Variants in ZDHHC7 observed in about 807,000 individuals in gnomAD.
ZDHHC7 encodes zDHHC palmitoyltransferase 7.
A neutral mutation model predicts 34.1 loss-of-function variants in ZDHHC7; 12 were observed. The ratio of observed to expected loss-of-function variants is 0.35; its 90% CI spans 0.23 to 0.57. ZDHHC7 has a LOEUF of 0.57. Ranked by LOEUF, ZDHHC7 falls within the 20% of genes least tolerant of loss-of-function variation. The pLI is 0.84. For synonymous variants in ZDHHC7, 185 were observed against 155.4 expected (o/e 1.19, Z -1.42); for missense variants, 388 against 402.7 (o/e 0.96, Z 0.31).
At chr16:84,980,016 G>A (rs1343283051) in intron 4 of ZDHHC7, among the ~76,000 whole-genome samples, 3 of 137,550 alleles carry the variant, frequency 2.2e-5, no homozygotes, top group African/African-American at 2.8e-5. Context: ...GTGCAGTGGC[G>A]CAATCTCAAT....
rs1041728563 is a variant in ZDHHC7, at chr16:84,975,988, T to C, written c.*355A>G. ...AAATGACTGCTTGGAGAATCCCTGT[T>C]CACTGGATTCACTGTTTTTCTTCAT... On this transcript the variant is annotated 3_prime_UTR_variant, in exon 8 of 8. Coordinates refer to ENST00000313732, the MANE Select transcript of ZDHHC7 (RefSeq NM_017740.3). 3 of 249,042 alleles carry C rather than the reference T, an allele frequency of 1.2e-5. No homozygotes were observed. The highest frequency in any genetic ancestry group is 1.1e-4 in the Admixed American group (2 of 18,958). 15.4% of individuals were successfully genotyped at this position (249,042 alleles called of 1,614,324 possible). A position where few individuals can be genotyped will look rare whatever the true frequency, so the allele number is the denominator to read the frequency against.
chr16:84,979,381 T>C, intron 4 of ZDHHC7, 96 bp from the exon 5 acceptor site: 1 of 1,471,140 alleles, frequency 6.8e-7, no homozygotes, highest in South Asian at 1.3e-5. Flanking sequence ...AATTAGAATG[T>C]ATATTCTAAT....
intron 1 of ZDHHC7, among the ~76,000 whole-genome samples, chr16:85,009,792 T>C (rs2143764490): frequency 6.8e-6 from 1 of 146,530 alleles, no homozygotes; most frequent in South Asian, 2.2e-4. Flanking sequence ...CACTGCAAGC[T>C]CCGCCTCCCG....
chr16:84,997,937 G>A (rs1481651427), intron 1 of ZDHHC7, among the ~76,000 whole-genome samples: 2 of 147,978 alleles, frequency 1.4e-5, no homozygotes, highest in African/African-American at 2.5e-5. Context: ...TCCCAGAGAG[G>A]AGAACTAGAA....
intron 1 of ZDHHC7, among the ~76,000 whole-genome samples, chr16:85,003,572 T>C (rs568433676): frequency 6.6e-6 from 1 of 152,030 alleles, no homozygotes; most frequent in African/African-American, 2.4e-5. Flanking sequence ...CTCAAATTAC[T>C]GAATCCAAAG....
At chr16:85,016,812 T>C in the ZDHHC7 span, among the ~76,000 whole-genome samples, 1 of 152,054 alleles carries the variant, frequency 6.6e-6, no homozygotes, top group Non-Finnish European at 1.5e-5. Flanking sequence ...ATTCCATTCT[T>C]ATCAAGGATC....
At chr16:84,987,185 C>G (rs552410028) in intron 3 of ZDHHC7, among the ~76,000 whole-genome samples, 1 of 152,358 alleles carries the variant, frequency 6.6e-6, no homozygotes, top group South Asian at 2.1e-4. Context: ...CGTACTCCCC[C>G]TTCCTCAGTT....
At chr16:84,994,855 T>C (rs1425243118) in intron 2 of ZDHHC7, among the ~76,000 whole-genome samples, 3 of 152,104 alleles carry the variant, frequency 2.0e-5, no homozygotes, top group Admixed American at 6.6e-5. Flanking sequence ...AACAAACGAA[T>C]ATAGCAAAGT....
Position 84,974,423 on chromosome 16 carries a change from C to T in ZDHHC7, c.*1920G>A, listed in dbSNP as rs1331383400. The stretch of plus-strand genomic sequence containing the variant: ...AGCACGGAAAGGCACCCCCTGAAAA[C>T]ACCACCATCCAGGAAGAACGGGCGC... On this transcript the variant is annotated 3_prime_UTR_variant, in exon 8 of 8. Transcript: ENST00000313732. 2 of 152,184 alleles carry T rather than the reference C, an allele frequency of 1.3e-5. No homozygotes were observed. The highest frequency in any genetic ancestry group is 1.5e-5 in the Non-Finnish European group (1 of 68,036). The allele number at this position is 152,184 out of a possible 1,614,324, so 9.4% of individuals were successfully genotyped here.
At chr16:85,019,930 G>T in the ZDHHC7 span, among the ~76,000 whole-genome samples, 40 of 152,042 alleles carry the variant, frequency 2.6e-4, no homozygotes, top group Non-Finnish European at 4.7e-4. Flanking sequence ...ATACCCCCTC[G>T]TAGACTCACT....
At chr16:85,013,903 G>C (rs1256153163), upstream of ZDHHC7, among the ~76,000 whole-genome samples, 1 of 151,902 alleles carries the variant, frequency 6.6e-6, no homozygotes, top group East Asian at 1.9e-4. Context: ...GGCCAGGCTG[G>C]TCTGCAACTC....
chr16:84,977,877 A>T, intron 6 of ZDHHC7, 47 bp downstream of exon 6: 4 of 1,486,416 alleles, frequency 2.7e-6, no homozygotes, highest in Non-Finnish European at 3.7e-6. Flanking sequence ...CCTTTCATCC[A>T]ATAACAGCAT....
chr16:84,992,655 T>G (rs11149705), intron 2 of ZDHHC7, among the ~76,000 whole-genome samples: 13,216 of 152,162 alleles, frequency 0.087, 762 homozygotes, highest in African/African-American at 0.16. Flanking sequence ...TGACAAATAT[T>G]TTAACGAACT....
chr16:85,014,296 G>A (rs1050592231), upstream of ZDHHC7, among the ~76,000 whole-genome samples: 45 of 152,274 alleles, frequency 3.0e-4, no homozygotes, highest in African/African-American at 1.0e-3. Flanking sequence ...TTTGGGGATC[G>A]TTTATAGAGA....
Position 84,999,995 on chromosome 16 carries a change from A to C in ZDHHC7, c.-103-3988T>G, listed in dbSNP as rs573688813. On this transcript the variant is annotated intron_variant, in intron 1 of 7. Coordinates refer to ENST00000313732, the MANE Select transcript of ZDHHC7 (RefSeq NM_017740.3). ...CCTGTCTCTACAAAAAAAATTTTTT[A>C]AAAATTGGCTGGGCAGGGCCTGTAC... Among the ~76,000 whole-genome samples the C allele has an allele frequency of 3.3e-5, 5 of 151,968 alleles. No individual in the cohort carries two copies. The South Asian group carries it at 1.0e-3, about 32-fold the overall frequency.
At chr16:85,000,430 C>G (rs998336213) in intron 1 of ZDHHC7, among the ~76,000 whole-genome samples, 1 of 152,150 alleles carries the variant, frequency 6.6e-6, no homozygotes, top group Non-Finnish European at 1.5e-5. Context: ...AAATGTATTT[C>G]TCAGGAACAC....
At chr16:84,977,413 C>T in intron 6 of ZDHHC7, 188 bp from the exon 7 acceptor site, 1 of 645,404 alleles carries the variant, frequency 1.5e-6, no homozygotes, top group Non-Finnish European at 2.6e-6. Flanking sequence ...AGCAAAAATT[C>T]ATACCATGAC....
chr16:84,998,159 G>A (rs1019125025), intron 1 of ZDHHC7, among the ~76,000 whole-genome samples: 2 of 151,380 alleles, frequency 1.3e-5, no homozygotes, highest in Non-Finnish European at 2.9e-5. Context: ...AGCTACTCGG[G>A]AGGCTGAGAC....
chr16:84,988,991 C>A, intron 3 of ZDHHC7: 2 of 1,043,064 alleles, frequency 1.9e-6, no homozygotes, highest in Non-Finnish European at 1.4e-6. Flanking sequence ...CTGCTGCAGC[C>A]AAGGAAGGAG....
Sources: gnomAD v4.1 joint callset for allele counts (sites outside exome capture counted in the v4.1 genomes callset) on GRCh38, gnomAD v4.1.1 for gene constraint, MANE v1.5 for transcripts, NCBI Gene and HGNC (gene_info 2026-07-23, HGNC 2026-07-21) for gene names.